PDE7B: variants seen among roughly 807,000 people sequenced by gnomAD.
PDE7B encodes the protein 3',5'-cyclic-AMP phosphodiesterase 7B.
A neutral mutation model predicts 56.2 loss-of-function variants in PDE7B; 29 were observed. The observed-to-expected ratio is 0.52, with a 90% confidence interval of 0.38 to 0.70. The LOEUF (loss-of-function observed/expected upper bound fraction) is 0.70, where lower values mean the gene tolerates loss of function less well. PDE7B is among the 30% of genes least tolerant of loss of function. The pLI, the probability that PDE7B is intolerant of heterozygous loss-of-function variation, is 0.00. For missense variants in PDE7B, 490 were observed against 565.0 expected (o/e 0.87, Z 1.35); for synonymous variants, 197 against 196.9 (o/e 1.00, Z 0.00).
chr6:135,889,440 ATTTTTTT>A (rs11440304), intron 1 of PDE7B, among the ~76,000 whole-genome samples: 1 of 103,378 alleles, frequency 9.7e-6, no homozygotes, highest in East Asian at 2.6e-4. Flanking sequence ...GGTGCTACCA[ATTTTTTT>A]TTTTTTTTTT....
chr6:135,926,301 A>C (rs201079027), intron 1 of PDE7B, among the ~76,000 whole-genome samples: 1 of 152,092 alleles, frequency 6.6e-6, no homozygotes, highest in Non-Finnish European at 1.5e-5. Context: ...GTTAGCCAGG[A>C]TGGTCTCAAT....
intron 2 of PDE7B, among the ~76,000 whole-genome samples, chr6:136,098,724 C>T (rs928628553): frequency 6.6e-6 from 1 of 151,974 alleles, no homozygotes; most frequent in African/African-American, 2.4e-5. Flanking sequence ...TATCTGAGTG[C>T]CAAGAGGACA....
At chr6:136,017,062 C>T (rs961705071) in intron 2 of PDE7B, among the ~76,000 whole-genome samples, 2 of 152,158 alleles carry the variant, frequency 1.3e-5, no homozygotes, top group African/African-American at 4.8e-5. Flanking sequence ...CCGTAGTAGC[C>T]TGGAGCCATT....
At chr6:136,142,524 C>G in intron 3 of PDE7B, among the ~76,000 whole-genome samples, 1 of 151,984 alleles carries the variant, frequency 6.6e-6, no homozygotes, top group East Asian at 1.9e-4. Flanking sequence ...AACTTTCTGT[C>G]TCGCTGATCT....
chr6:136,063,686 C>T (rs950940123), intron 2 of PDE7B, among the ~76,000 whole-genome samples: 4 of 152,180 alleles, frequency 2.6e-5, no homozygotes, highest in Admixed American at 2.0e-4. Flanking sequence ...TCCACTTCTC[C>T]GCCTCACTTT....
At chr6:135,879,594 G>C (rs1332746925) in intron 1 of PDE7B, among the ~76,000 whole-genome samples, 1 of 151,992 alleles carries the variant, frequency 6.6e-6, no homozygotes, top group Non-Finnish European at 1.5e-5. Context: ...AGTAGCATTT[G>C]TAGACAACTG....
intron 8 of PDE7B, among the ~76,000 whole-genome samples, chr6:136,172,865 A>G (rs1205537925): frequency 6.6e-6 from 1 of 152,176 alleles, no homozygotes; most frequent in Non-Finnish European, 1.5e-5. Context: ...AATAACAGAC[A>G]AACAGAGAGC....
chr6:136,091,022 G>A (rs964518205), intron 2 of PDE7B, among the ~76,000 whole-genome samples: 2 of 152,174 alleles, frequency 1.3e-5, no homozygotes, highest in Admixed American at 1.3e-4. Context: ...GACCAAAGAT[G>A]ATGCATATTA....
chr6:136,189,931 A>G (rs1004213853), intron 12 of PDE7B, among the ~76,000 whole-genome samples: 5 of 152,254 alleles, frequency 3.3e-5, no homozygotes, highest in Non-Finnish European at 5.9e-5. Context: ...AGAAGTCTTT[A>G]TATCTGAAAG....
intron 1 of PDE7B, among the ~76,000 whole-genome samples, chr6:135,913,735 C>A (rs1431204499): frequency 6.6e-6 from 1 of 151,984 alleles, no homozygotes; most frequent in Non-Finnish European, 1.5e-5. Flanking sequence ...TTGTTATCAC[C>A]TTTGATGTAA....
At chr6:136,113,095 G>A (rs986182919) in intron 3 of PDE7B, among the ~76,000 whole-genome samples, 48 of 152,148 alleles carry the variant, frequency 3.2e-4, no homozygotes, top group African/African-American at 1.1e-3. Flanking sequence ...GTATAATATT[G>A]TGACTATAGT....
chr6:136,081,174 T>G (rs891882258), intron 2 of PDE7B, among the ~76,000 whole-genome samples: 6 of 151,898 alleles, frequency 4.0e-5, no homozygotes. Flanking sequence ...TGGGAGAGGG[T>G]CATCATTTCA....
chr6:135,955,945 C>T (rs1774785265), intron 2 of PDE7B, among the ~76,000 whole-genome samples: 1 of 152,132 alleles, frequency 6.6e-6, no homozygotes, highest in African/African-American at 2.4e-5. Context: ...ATCTGAGATG[C>T]CCAAGGAACT....
At chr6:136,088,803 G>T (rs1229685581) in intron 2 of PDE7B, among the ~76,000 whole-genome samples, 1 of 151,720 alleles carries the variant, frequency 6.6e-6, no homozygotes, top group Non-Finnish European at 1.5e-5. Context: ...CCATTGAATC[G>T]TACACTTTAA....
At chr6:136,040,331 T>C (rs1776391973) in intron 2 of PDE7B, among the ~76,000 whole-genome samples, 1 of 152,230 alleles carries the variant, frequency 6.6e-6, no homozygotes, top group South Asian at 2.1e-4. Context: ...AGATGAGGGC[T>C]CATCCTTACT....
At chr6:135,909,114 T>A (rs1002509300) in intron 1 of PDE7B, among the ~76,000 whole-genome samples, 2 of 152,172 alleles carry the variant, frequency 1.3e-5, no homozygotes, top group African/African-American at 4.8e-5. Context: ...AATGACTTTG[T>A]GTTTTGAATT....
In PDE7B at chr6:136,193,134, G is replaced by T. The variant is rs534480329; in HGVS notation, c.*1294G>T. ...CTCTTGTTACAGATCATGGCGGTGC[G>T]TCAGCCTCACAGGAGACATAGCAGG... On this transcript the variant is annotated 3_prime_UTR_variant, in exon 13 of 13. Transcript: ENST00000308191. 6.6e-6 allele frequency: 1 copy of T among 152,586 alleles called. No homozygotes were observed. The highest frequency in any genetic ancestry group is 2.4e-5 in the African/African-American group (1 of 41,448). 9.5% of individuals were successfully genotyped at this position (152,586 alleles called of 1,614,324 possible). A position where few individuals can be genotyped will look rare whatever the true frequency, so the allele number is the denominator to read the frequency against.
At chr6:136,141,487 A>G (rs1470302529) in intron 3 of PDE7B, among the ~76,000 whole-genome samples, 3 of 152,182 alleles carry the variant, frequency 2.0e-5, no homozygotes, top group African/African-American at 7.2e-5. Flanking sequence ...TCATAAAATG[A>G]GTTAGGGAGG....
At chr6:135,970,795 G>T (rs1775081651) in intron 2 of PDE7B, among the ~76,000 whole-genome samples, 2 of 152,148 alleles carry the variant, frequency 1.3e-5, no homozygotes, top group African/African-American at 4.8e-5. Context: ...TAGTGGTTTG[G>T]CCTAGGGAGA....
Sources: gnomAD v4.1 joint callset for allele counts (sites outside exome capture counted in the v4.1 genomes callset) on GRCh38, gnomAD v4.1.1 for gene constraint, MANE v1.5 for transcripts, NCBI Gene and HGNC (gene_info 2026-07-23, HGNC 2026-07-21) for gene names.